The following STIM1 variants were observed in gnomAD, a reference collection of about 807,000 sequenced individuals.
The protein encoded by STIM1 is stromal interaction molecule 1.
STIM1 carries 25 observed loss-of-function variants against 74.7 expected under a neutral mutation model. The ratio of observed to expected loss-of-function variants is 0.33; its 90% CI spans 0.24 to 0.47. The LOEUF (loss-of-function observed/expected upper bound fraction) is 0.47. Among genes scored for constraint, STIM1 ranks in the 20% least tolerant of loss-of-function variants. STIM1 has a pLI of 1.00. For synonymous variants in STIM1, 328 were observed against 348.8 expected (o/e 0.94, Z 0.66); for missense variants, 728 against 920.8 (o/e 0.79, Z 2.71).
chr11:4,003,510 C>T (rs1310751920), intron 2 of STIM1, among the ~76,000 whole-genome samples: 1 of 150,890 alleles, frequency 6.6e-6, no homozygotes, highest in East Asian at 1.9e-4. Flanking sequence ...TCAATAGATG[C>T]AGAAAAGGCC....
At chr11:4,054,428 A>C (rs1198437965) in intron 3 of STIM1, among the ~76,000 whole-genome samples, 2 of 152,054 alleles carry the variant, frequency 1.3e-5, no homozygotes, top group East Asian at 3.8e-4. Flanking sequence ...GACCTGTGTC[A>C]GTCCATGGCC....
intron 2 of STIM1, among the ~76,000 whole-genome samples, chr11:4,010,239 C>G (rs1294639200): frequency 6.7e-6 from 1 of 149,460 alleles, no homozygotes; most frequent in African/African-American, 2.5e-5. Flanking sequence ...GGCATGATCT[C>G]GACTCACTAC....
chr11:3,937,277 C>T (rs1041991719), intron 1 of STIM1, among the ~76,000 whole-genome samples: 11 of 112,464 alleles, frequency 9.8e-5, no homozygotes, highest in South Asian at 9.3e-4. Context: ...GGCAACAGAG[C>T]GAGACTTCAT....
chr11:3,932,476 C>T (rs2092877915), intron 1 of STIM1, among the ~76,000 whole-genome samples: 1 of 151,992 alleles, frequency 6.6e-6, no homozygotes, highest in Admixed American at 6.6e-5. Flanking sequence ...TCAGGGTTAA[C>T]AGAGTGAAGC....
At chr11:3,909,007 C>A (rs941547297) in intron 1 of STIM1, among the ~76,000 whole-genome samples, 1 of 152,190 alleles carries the variant, frequency 6.6e-6, no homozygotes, top group Non-Finnish European at 1.5e-5. Flanking sequence ...TTCTCCCCTA[C>A]CACCCCAGAG....
chr11:3,950,291 G>A (rs1284765835), intron 1 of STIM1, among the ~76,000 whole-genome samples: 1 of 151,596 alleles, frequency 6.6e-6, no homozygotes, highest in Admixed American at 6.6e-5. Flanking sequence ...GCACCACCAC[G>A]CCTGGCTAAT....
At chr11:3,938,015 C>T (rs183818673) in intron 1 of STIM1, among the ~76,000 whole-genome samples, 1 of 151,432 alleles carries the variant, frequency 6.6e-6, no homozygotes, top group Non-Finnish European at 1.5e-5. Flanking sequence ...CTCACTGCAA[C>T]CTCCGCCTCC....
chr11:3,881,863 G>A (rs1160524493), intron 1 of STIM1, among the ~76,000 whole-genome samples: 1 of 151,402 alleles, frequency 6.6e-6, no homozygotes. Flanking sequence ...ACTAGAGACG[G>A]GGTTCGCCAT....
chr11:3,959,500 T>A (rs1239989908), intron 1 of STIM1, among the ~76,000 whole-genome samples: 2 of 152,188 alleles, frequency 1.3e-5, no homozygotes, highest in East Asian at 3.8e-4. Flanking sequence ...TAGATGGTAG[T>A]GGTAATATTA....
intron 3 of STIM1, among the ~76,000 whole-genome samples, chr11:4,034,097 C>CGG (rs2094078088): frequency 6.6e-6 from 1 of 151,648 alleles, no homozygotes; most frequent in East Asian, 2.0e-4. Context: ...GTTGTGGTGG[C>CGG]GGGCGCCTGT....
At chr11:3,933,412 G>A (rs2092894249) in intron 1 of STIM1, among the ~76,000 whole-genome samples, 1 of 152,206 alleles carries the variant, frequency 6.6e-6, no homozygotes, top group Admixed American at 6.5e-5. Flanking sequence ...TACAGATGAG[G>A]AGACTGAAGT....
At chr11:4,007,493 G>C (rs1265230274) in intron 2 of STIM1, among the ~76,000 whole-genome samples, 1 of 152,126 alleles carries the variant, frequency 6.6e-6, no homozygotes, top group Non-Finnish European at 1.5e-5. Flanking sequence ...ATATTCTTGG[G>C]TGCTAGTACC....
intron 4 of STIM1, 62 bp downstream of exon 4, chr11:4,055,699 C>A: frequency 7.7e-7 from 1 of 1,300,460 alleles, no homozygotes; most frequent in Non-Finnish European, 1.1e-6. Context: ...AGTGGGCCTG[C>A]CTTCAGATTG....
intron 2 of STIM1, chr11:4,019,059 A>G (rs1590653049): frequency 5.4e-6 from 1 of 184,786 alleles, no homozygotes; most frequent in Admixed American, 4.9e-5. Flanking sequence ...TAGCCTCAAT[A>G]TGTGCCTCCA....
chr11:4,006,553 T>G (rs1430108012), intron 2 of STIM1, among the ~76,000 whole-genome samples: 2 of 152,180 alleles, frequency 1.3e-5, no homozygotes, highest in African/African-American at 4.8e-5. Flanking sequence ...TAGCTGGGAT[T>G]ACAGGCACAA....
chr11:4,043,867 T>G (rs1171229883), intron 3 of STIM1, among the ~76,000 whole-genome samples: 5 of 151,970 alleles, frequency 3.3e-5, no homozygotes, highest in Non-Finnish European at 1.5e-5. Flanking sequence ...ATACAAAAAT[T>G]AGCTGGGCGT....
chr11:4,040,053 GCCACCGTGCTCA>G (rs2094136598), intron 3 of STIM1, among the ~76,000 whole-genome samples: 1 of 84,378 alleles, frequency 1.2e-5, no homozygotes, highest in Non-Finnish European at 3.3e-5. Flanking sequence ...ACAGGTGTAA[GCCACCGTGCTCA>G]GCCCTGATGG....
At position 4,077,773 on chromosome 11, in the gene STIM1, T is replaced by C. The variant is rs992775189; in HGVS notation, c.969+3094T>C. 4.6e-5 allele frequency among the ~76,000 whole-genome samples: 7 copies of C among 152,328 alleles called. No individual in the cohort carries two copies. The Middle Eastern group carries it at 0.014, about 296-fold the overall frequency. On this transcript the variant is annotated intron_variant, in intron 7 of 12. Transcript: ENST00000526596. ...TGATCTATCTTTTAAGTTCTTTAATTCTGCATTCTACTGTAAGCATTCTGG... is the reference window on the plus strand; with the variant it reads ...TGATCTATCTTTTAAGTTCTTTAATCCTGCATTCTACTGTAAGCATTCTGG...
chr11:3,984,549 G>T lies in STIM1; in HGVS notation c.270+16867G>T, dbSNP rs138189645. On this transcript the variant is annotated intron_variant, in intron 2 of 12. Transcript: ENST00000526596. ...GGTGGCTGTAGAATTCACCTACCAG[G>T]AGTGGCTCATCAGTTTATAGGCCGC... is the stretch of plus-strand genomic sequence containing the variant. Among the ~76,000 whole-genome samples, 152 of 152,294 alleles carry T rather than the reference G, an allele frequency of 1.0e-3. 2 individuals are homozygous for T. The East Asian group carries it at 0.027, about 27-fold the overall frequency.
Sources: gnomAD v4.1 joint callset for allele counts (sites outside exome capture counted in the v4.1 genomes callset) on GRCh38, gnomAD v4.1.1 for gene constraint, MANE v1.5 for transcripts, NCBI Gene and HGNC (gene_info 2026-07-23, HGNC 2026-07-21) for gene names.